LAMB3: variants seen among roughly 807,000 people sequenced by gnomAD.
LAMB3 encodes laminin subunit beta 3, also known as laminin subunit beta-3.
Under a neutral mutation model 140.3 loss-of-function variants are expected in LAMB3, and 104 were observed. The observed-to-expected ratio is 0.74, with a 90% CI of 0.63 to 0.87. The LOEUF (loss-of-function observed/expected upper bound fraction) is 0.87. LAMB3 is among the 40% of genes least tolerant of loss of function. The pLI is 0.00. For synonymous variants in LAMB3, 592 were observed against 602.9 expected (o/e 0.98, Z 0.26); for missense variants, 1,531 against 1,575.2 (o/e 0.97, Z 0.47).
chr1:209,642,566 C>T (rs1431390879), intron 3 of LAMB3, among the ~76,000 whole-genome samples: 2 of 152,342 alleles, frequency 1.3e-5, no homozygotes, highest in South Asian at 2.1e-4. Context: ...CAACCCTCTG[C>T]CTCCCAGGCT....
At position 209,617,596 on chromosome 1, in the gene LAMB3, A is replaced by G; in HGVS notation, c.3052-10T>C. On this transcript the variant is annotated splice_polypyrimidine_tract_variant and intron_variant, in intron 20 of 22. Transcript: ENST00000356082. ...GCAGTACCTGCTGAACCTTTGTGGA[A>G]AGAGGGAGATCTGGCCTTTGTGGTG... 1 of 1,613,506 alleles carries G rather than the reference A, an allele frequency of 6.2e-7. No homozygotes were observed. The highest frequency in any genetic ancestry group is 8.5e-7 in the Non-Finnish European group (1 of 1,179,900).
chr1:209,629,618 C>A, intron 10 of LAMB3, 119 bp downstream of exon 10: 1 of 954,694 alleles, frequency 1.0e-6, no homozygotes, highest in Non-Finnish European at 1.7e-6. Flanking sequence ...TGACTCACAG[C>A]CAAGTTTTCA....
intron 22 of LAMB3, among the ~76,000 whole-genome samples, chr1:209,615,656 C>A (rs1399211461): frequency 6.6e-6 from 1 of 152,228 alleles, no homozygotes; most frequent in Non-Finnish European, 1.5e-5. Context: ...GCCCCTGACC[C>A]TCTGGGCTCT....
In LAMB3 at chr1:209,615,256, C is replaced by A. The variant is rs1558145204; in HGVS notation, c.*15G>T. 6.2e-7 allele frequency: 1 copy of A among 1,614,046 alleles called. No individual in the cohort carries two copies. The highest frequency in any genetic ancestry group is 2.2e-5 in the East Asian group (1 of 44,894). On this transcript the variant is annotated 3_prime_UTR_variant, in exon 23 of 23. Transcript: ENST00000356082. ...GGCGGCAGATGAGTGGGGCAACGGG[C>A]TGGAAGCTGTAGCATCACTTGCAGG...
Position 209,637,208 on chromosome 1 carries a change from T to C in LAMB3, c.372+700A>G, listed in dbSNP as rs1248169062. Among the ~76,000 whole-genome samples, 7 of 152,228 alleles carry C rather than the reference T, an allele frequency of 4.6e-5. No individual in the cohort carries two copies. In the East Asian group the frequency reaches 1.3e-3, roughly 29 times the overall value. ...CTTAGAGCCAACTTCTTCAGTCATGTAAGAAATTAGGTCCTATTACTTTTT... is the reference window on the plus strand; with the variant it reads ...CTTAGAGCCAACTTCTTCAGTCATGCAAGAAATTAGGTCCTATTACTTTTT... On this transcript the variant is annotated intron_variant, in intron 5 of 22. Transcript: ENST00000356082.
chr1:209,650,135 G>A lies in LAMB3; in HGVS notation c.29-17C>T, dbSNP rs1431232492. On this transcript the variant is annotated splice_polypyrimidine_tract_variant and intron_variant, in intron 2 of 22. Coordinates refer to ENST00000356082, the MANE Select transcript of LAMB3 (RefSeq NM_000228.3). ...CAGGCAGGGCTGAAATCACAGGGAT[G>A]TGTGATGGAGCAGTCCAGAAAAAAA... 4 of 1,608,826 alleles carry A rather than the reference G, an allele frequency of 2.5e-6. No individual in the cohort carries two copies. The highest frequency in any genetic ancestry group is 4.5e-5 in the East Asian group (2 of 44,720).
intron 3 of LAMB3, among the ~76,000 whole-genome samples, chr1:209,646,850 G>A (rs1178197842): frequency 1.3e-5 from 2 of 152,200 alleles, no homozygotes; most frequent in African/African-American, 2.4e-5. Context: ...TTTTTCAAAT[G>A]AGGCCAACGG....
In LAMB3 at chr1:209,628,703, AAGAGAG is replaced by A. The variant is rs35325918; in HGVS notation, c.1133-519_1133-514del. The stretch of plus-strand genomic sequence containing the variant: ...AAGAGCGAAACCATCTCCATTAAAA[AAGAGAG>A]AGAGAGAGAGAGAAAGAAATGAGTA... On this transcript the variant is annotated intron_variant, in intron 10 of 22. Transcript: ENST00000356082. Among the ~76,000 whole-genome samples the A allele has an allele frequency of 4.5e-3, 658 of 146,434 alleles. 3 individuals carry two copies. The highest frequency in any genetic ancestry group is 0.016 in the African/African-American group (623 of 37,912).
intron 12 of LAMB3, 23 bp downstream of exon 12, chr1:209,627,360 C>G: frequency 6.2e-7 from 1 of 1,602,532 alleles, no homozygotes; most frequent in South Asian, 1.1e-5. Context: ...TGAGGGGGCC[C>G]CCGGACCACC....
At chr1:209,629,963 C>A in intron 9 of LAMB3, 38 bp from the exon 10 acceptor site, 2 of 1,592,970 alleles carry the variant, frequency 1.3e-6, no homozygotes, top group Non-Finnish European at 1.7e-6. Flanking sequence ...ATCTGACCCA[C>A]ACCTTTGCTA....
At chr1:209,634,402 A>G (rs1666814839) in intron 6 of LAMB3, 45 bp downstream of exon 6, 2 of 1,578,956 alleles carry the variant, frequency 1.3e-6, no homozygotes, top group Middle Eastern at 1.7e-4. Context: ...GTGGGACATC[A>G]GGGATTTCTC....
chr1:209,651,800 G>C (rs1418757125), intron 1 of LAMB3, among the ~76,000 whole-genome samples: 1 of 151,076 alleles, frequency 6.6e-6, no homozygotes, highest in East Asian at 2.0e-4. Flanking sequence ...GCCTTGAATT[G>C]GATGTTCACT....
Position 209,623,906 on chromosome 1 carries a change from C to A in LAMB3, c.2071G>T (p.Gly691Cys). 1.2e-6 allele frequency: 2 copies of A among 1,614,148 alleles called. No homozygotes were observed. ...DLESLDRSFNGLLTMYQRKRE... is the reference protein window; with the variant it reads ...DLESLDRSFNCLLTMYQRKRE... ...TTCCTCTGATACATAGTAAGGAGAC[C>A]ATTGAAGCTTCTGTCAAGACTCTCC... Residue 691 changes from glycine to cysteine, a missense_variant, in exon 15 of 23, where the codon GGT (glycine) becomes TGT (cysteine). Coordinates refer to ENST00000356082, the MANE Select transcript of LAMB3 (RefSeq NM_000228.3). The surrounding 1 kb of genome is among the most constrained non-coding windows in gnomAD (Gnocchi z 4.2).
intron 8 of LAMB3, 97 bp from the exon 9 acceptor site, chr1:209,630,832 G>A: frequency 7.0e-7 from 1 of 1,425,396 alleles, no homozygotes; most frequent in African/African-American, 1.4e-5. Flanking sequence ...GCACCACTCA[G>A]GATCTGGCTT....
At position 209,616,388 on chromosome 1, in the gene LAMB3, G is replaced by A. The variant is rs1425303361; in HGVS notation, c.3382+83C>T. 5 of 1,506,982 alleles carry A rather than the reference G, an allele frequency of 3.3e-6. No individual in the cohort carries two copies. The African/African-American group carries it at 4.1e-5, about 12-fold the overall frequency. The allele number at this position is 1,506,982 out of a possible 1,614,324, so 93.4% of individuals were successfully genotyped here. Reference sequence around the variant, plus strand: ...CCCATAGCACGGCTAGCTCCAATAAGAACGGGCTTCAGAAGCCTTGGGTTG... The same window carrying A: ...CCCATAGCACGGCTAGCTCCAATAAAAACGGGCTTCAGAAGCCTTGGGTTG... On this transcript the variant is annotated intron_variant, in intron 22 of 22. Coordinates refer to ENST00000356082, the MANE Select transcript of LAMB3 (RefSeq NM_000228.3).
Position 209,650,997 on chromosome 1 carries a change from GCAAA to G in LAMB3, c.-37-20_-37-17del. Reference sequence around the variant, plus strand: ...AGGACCTTTCCTAGGACACAGCAAAGCAAACTGGGTACAACAGTGCAAACCCCTA... The same window carrying G: ...AGGACCTTTCCTAGGACACAGCAAAGCTGGGTACAACAGTGCAAACCCCTA... On this transcript the variant is annotated splice_polypyrimidine_tract_variant and intron_variant, in intron 1 of 22. Coordinates refer to ENST00000356082, the MANE Select transcript of LAMB3 (RefSeq NM_000228.3). 6.4e-7 allele frequency: 1 copy of G among 1,553,094 alleles called. No individual in the cohort carries two copies. Among genetic ancestry groups the G allele is most frequent in the African/African-American group, 1.4e-5 (1 of 73,794 alleles).
Position 209,618,543 on chromosome 1 carries a change from C to G in LAMB3, c.2818G>C (p.Ala940Pro), listed in dbSNP as rs1666073623. The change falls in exon 19 of 23, where the codon GCC becomes CCC. Residue 940 changes from alanine (A) to proline (P), a missense_variant. Physicochemically the swap from Ala to Pro is conservative, Grantham distance 27. Coordinates refer to ENST00000356082, the MANE Select transcript of LAMB3 (RefSeq NM_000228.3). Reference sequence around the variant, plus strand: ...ACCAAGTCCACGTTGGGGAGCCTGGCTGCAATGGCCTGGATCTCATTCATC... The same window carrying G: ...ACCAAGTCCACGTTGGGGAGCCTGGGTGCAATGGCCTGGATCTCATTCATC... ...QKMNEIQAIA[A>P]RLPNVDLVLS... 6.2e-7 allele frequency: 1 copy of G among 1,614,154 alleles called. No individual in the cohort carries two copies. The highest frequency in any genetic ancestry group is 1.3e-5 in the African/African-American group (1 of 74,942).
chr1:209,637,671 G>A (rs965701106), intron 5 of LAMB3, among the ~76,000 whole-genome samples: 1 of 152,180 alleles, frequency 6.6e-6, no homozygotes, highest in African/African-American at 2.4e-5. Context: ...TAATTAGATG[G>A]GTTGAGGGTG....
intron 21 of LAMB3, among the ~76,000 whole-genome samples, chr1:209,617,120 G>A (rs1271137472): frequency 6.6e-6 from 1 of 152,154 alleles, no homozygotes; most frequent in East Asian, 1.9e-4. Flanking sequence ...CAGTGTCAGG[G>A]GACCTGCTTT....
Sources: allele counts gnomAD v4.1 joint callset (sites outside exome capture counted in the v4.1 genomes callset), GRCh38; gene constraint gnomAD v4.1.1; non-coding constraint Gnocchi (gnomAD v3.1); transcripts MANE v1.5; gene names NCBI Gene and HGNC (gene_info 2026-07-23, HGNC 2026-07-21).